Variants in TMEM87A observed in about 807,000 individuals in gnomAD.
The protein encoded by TMEM87A is Golgi-pH regulating cation channel.
A neutral mutation model predicts 90.0 loss-of-function variants in TMEM87A; 50 were observed. The observed-to-expected ratio is 0.56, with a 90% CI of 0.44 to 0.70. The LOEUF is 0.70. Among genes scored for constraint, TMEM87A ranks in the 30% least tolerant of loss-of-function variants. The probability of loss-of-function intolerance (pLI) is 0.00; values close to 1 mark genes in which losing one functional copy is unlikely to be tolerated. For synonymous variants in TMEM87A, 226 were observed against 226.7 expected (o/e 1.00, Z 0.03); for missense variants, 577 against 660.5 (o/e 0.87, Z 1.39).
rs369647308 is a variant in TMEM87A, at chr15:42,236,391, C to A, written c.897G>T (p.Leu299=). Residue 299 remains leucine, a synonymous_variant, in exon 10 of 20, where the codon CTG becomes CTT. Transcript: ENST00000389834. The stretch of plus-strand genomic sequence containing the variant: ...CCAGTGAGCGTTTCACTGCTGAAAG[C>A]AGCTCTGCAAGGATCAAAGCACCCT... ...SVQGALILAE[L]LSAVKRSLAR... The A allele has an allele frequency of 6.8e-6, 11 of 1,613,952 alleles. No individual in the cohort carries two copies. In the African/African-American group the frequency reaches 1.3e-4, roughly 20 times the overall value.
chr15:42,272,080 G>A lies in TMEM87A; in HGVS notation c.188C>T (p.Thr63Ile). ...FSFGKILFRN[T>I]TIFLKFDGEP... The stretch of plus-strand genomic sequence containing the variant: ...AAACTCACACTTCAGGAAGATAGTG[G>A]TATTTCTGAAGAGGATCTTTCCAAA... The change falls in exon 2 of 20, where the codon ACC becomes ATC. Residue 63 changes from threonine to isoleucine, a missense_variant. Thr to Ile is a moderately conservative substitution (Grantham distance 89). Coordinates refer to ENST00000389834, the MANE Select transcript of TMEM87A (RefSeq NM_015497.5). The A allele has an allele frequency of 6.2e-7, 1 of 1,604,906 alleles. No individual in the cohort carries two copies. The highest frequency in any genetic ancestry group is 8.5e-7 in the Non-Finnish European group (1 of 1,176,872).
intron 15 of TMEM87A, 199 bp downstream of exon 15, chr15:42,226,607 G>T (rs1360756370): frequency 3.7e-6 from 2 of 536,586 alleles, no homozygotes; most frequent in Non-Finnish European, 6.6e-6. Context: ...GGAAACTAAG[G>T]CCAGAGAGGT....
Position 42,244,040 on chromosome 15 carries a change from C to A in TMEM87A, c.622+10G>T, listed in dbSNP as rs77627016. The A allele has an allele frequency of 6.2e-6, 9 of 1,462,318 alleles. No individual in the cohort carries two copies. Among genetic ancestry groups the A allele is most frequent in the African/African-American group, 5.8e-5 (4 of 68,406 alleles). 90.6% of individuals were successfully genotyped at this position (1,462,318 alleles called of 1,614,324 possible). ...AATAACATAACCATTAAAAAAAAAA[C>A]TGAACTTACTGGTAAAAAGATTACT... is the stretch of plus-strand genomic sequence containing the variant. On this transcript the variant is annotated intron_variant, in intron 7 of 19. Coordinates refer to ENST00000389834, the MANE Select transcript of TMEM87A (RefSeq NM_015497.5).
intron 6 of TMEM87A, chr15:42,258,281 A>T: frequency 1.4e-6 from 1 of 719,570 alleles, no homozygotes; most frequent in Non-Finnish European, 1.7e-6. Context: ...AAAATAATAT[A>T]AACATGCCCA....
intron 4 of TMEM87A, among the ~76,000 whole-genome samples, chr15:42,261,471 T>A (rs1367390150): frequency 1.3e-5 from 2 of 152,116 alleles, no homozygotes; most frequent in Non-Finnish European, 2.9e-5. Context: ...GCCATTCAAT[T>A]TTTCTATCAG....
intron 11 of TMEM87A, among the ~76,000 whole-genome samples, chr15:42,232,258 C>T (rs2050697493): frequency 6.6e-6 from 1 of 152,052 alleles, no homozygotes; most frequent in Admixed American, 6.6e-5. Flanking sequence ...GAAGAGGTAT[C>T]ACTCTGTTGC....
chr15:42,211,804 A>C, intron 19 of TMEM87A, 55 bp from the exon 20 acceptor site: 1 of 1,490,540 alleles, frequency 6.7e-7, no homozygotes, highest in Non-Finnish European at 9.3e-7. Flanking sequence ...CTATATTCCA[A>C]ATATCTTCTA....
intron 6 of TMEM87A, among the ~76,000 whole-genome samples, chr15:42,260,233 G>A (rs377643096): frequency 2.0e-5 from 3 of 152,212 alleles, no homozygotes; most frequent in African/African-American, 7.2e-5. Context: ...AAATTAACCA[G>A]GCATGGTGGT....
intron 10 of TMEM87A, among the ~76,000 whole-genome samples, chr15:42,233,787 C>T (rs569507304): frequency 9.2e-5 from 14 of 151,974 alleles, no homozygotes; most frequent in Middle Eastern, 3.4e-3. Flanking sequence ...TTCTTTTTTT[C>T]CCCTAAAGAA....
intron 4 of TMEM87A, chr15:42,262,190 A>G (rs2051308514): frequency 6.6e-6 from 1 of 152,202 alleles, no homozygotes; most frequent in Admixed American, 6.5e-5. Flanking sequence ...AACCAGATGC[A>G]TCAGGTAGCT....
chr15:42,246,537 C>A (rs945075589), intron 6 of TMEM87A, among the ~76,000 whole-genome samples: 1 of 152,058 alleles, frequency 6.6e-6, no homozygotes, highest in African/African-American at 2.4e-5. Context: ...TGAGTGAGAA[C>A]ATGCAGTGTT....
chr15:42,261,542 A>C (rs901439740), intron 4 of TMEM87A, among the ~76,000 whole-genome samples: 9 of 152,208 alleles, frequency 5.9e-5, no homozygotes, highest in Admixed American at 3.3e-4. Flanking sequence ...AGGATAGAAG[A>C]AGCTTAGATC....
At chr15:42,258,856 ACT>A (rs1363189306) in intron 6 of TMEM87A, 170 of 1,506,424 alleles carry the variant, frequency 1.1e-4, no homozygotes, top group Non-Finnish European at 1.5e-4. Context: ...AGAATAAGAA[ACT>A]CTGAAAATCT....
At chr15:42,228,524 G>A (rs545478741) in intron 13 of TMEM87A, among the ~76,000 whole-genome samples, 188 bp downstream of exon 13, 1 of 152,298 alleles carries the variant, frequency 6.6e-6, no homozygotes, top group South Asian at 2.1e-4. Flanking sequence ...TCCAGCTACT[G>A]TACATAAAAT....
intron 15 of TMEM87A, among the ~76,000 whole-genome samples, chr15:42,225,225 T>C (rs2050568144): frequency 6.6e-6 from 1 of 152,114 alleles, no homozygotes; most frequent in Non-Finnish European, 1.5e-5. Context: ...AAATTAGTCA[T>C]TTATATCATG....
At chr15:42,265,138 T>A (rs1395290680) in intron 3 of TMEM87A, among the ~76,000 whole-genome samples, 3 of 152,212 alleles carry the variant, frequency 2.0e-5, no homozygotes, top group Admixed American at 2.0e-4. Context: ...ATTCCATGTC[T>A]TTGCTATTGT....
At chr15:42,227,989 A>G (rs964842185) in intron 13 of TMEM87A, among the ~76,000 whole-genome samples, 1 of 152,258 alleles carries the variant, frequency 6.6e-6, no homozygotes, top group African/African-American at 2.4e-5. Context: ...TTCTCTATTT[A>G]AAGAATAATT....
intron 4 of TMEM87A, among the ~76,000 whole-genome samples, chr15:42,263,663 G>A (rs141266391): frequency 3.3e-5 from 5 of 152,230 alleles, no homozygotes; most frequent in Non-Finnish European, 7.4e-5. Flanking sequence ...TGAAAGAATT[G>A]CTTAGATCCG....
At chr15:42,272,584 T>G (rs892308765) in intron 1 of TMEM87A, 37 of 242,192 alleles carry the variant, frequency 1.5e-4, no homozygotes, top group African/African-American at 8.3e-4. Flanking sequence ...CTCACAGGAC[T>G]ATACCTGTTA....
Sources: gnomAD v4.1 joint callset for allele counts (sites outside exome capture counted in the v4.1 genomes callset) on GRCh38, gnomAD v4.1.1 for gene constraint, MANE v1.5 for transcripts, NCBI Gene and HGNC (gene_info 2026-07-23, HGNC 2026-07-21) for gene names.